Variants in PI4KA observed in about 807,000 individuals in gnomAD.
PI4KA encodes PI4-kinase alpha.
In PI4KA, 122 loss-of-function variants were observed where a neutral mutation model predicts 271.4. The ratio of observed to expected loss-of-function variants is 0.45; its 90% CI spans 0.39 to 0.52. PI4KA has a LOEUF of 0.52. Ranked by LOEUF, PI4KA falls within the 20% of genes least tolerant of loss-of-function variation. The pLI is 0.00. For missense variants in PI4KA, 1,969 were observed against 2,769.1 expected, an observed-to-expected ratio of 0.71 and a Z score of 6.48; for synonymous variants, 1,041 against 1,078.8, an observed-to-expected ratio of 0.96 and a Z score of 0.69.
chr22:20,824,931 G>C (rs1923201351), intron 3 of PI4KA, among the ~76,000 whole-genome samples: 1 of 151,730 alleles, frequency 6.6e-6, no homozygotes. Context: ...TTAGCTGGGT[G>C]TGGTGGCGCA....
intron 19 of PI4KA, among the ~76,000 whole-genome samples, chr22:20,767,772 C>T (rs1314019283): frequency 6.6e-6 from 1 of 151,840 alleles, no homozygotes; most frequent in Non-Finnish European, 1.5e-5. Flanking sequence ...GTAGCTGGGA[C>T]TACGGGCATG....
At chr22:20,779,101 TTA>T (rs1933534337) in intron 19 of PI4KA, 1 of 1,298,360 alleles carries the variant, frequency 7.7e-7, no homozygotes, top group African/African-American at 1.5e-5. Context: ...TCATTGAGGT[TTA>T]TGAGTCCCAC....
chr22:20,804,623 C>T (rs920822233), intron 11 of PI4KA, among the ~76,000 whole-genome samples: 1 of 152,160 alleles, frequency 6.6e-6, no homozygotes, highest in African/African-American at 2.4e-5. Context: ...GAAAACTTCC[C>T]ATTCTACTCC....
rs1261536942 is a variant in PI4KA, at chr22:20,717,716, A to T, written c.5309T>A (p.Val1770Glu). 3 of 1,580,772 alleles carry T rather than the reference A, an allele frequency of 1.9e-6. No individual in the cohort carries two copies. Among genetic ancestry groups the T allele is most frequent in the Non-Finnish European group, 2.6e-6 (3 of 1,161,778 alleles). ...ACLSALSEVK[V>E]QPGCYLPSNP... ...AGAAGCCACCTGCTCACCCGGCTGC[A>T]CCTTCACTTCAGACAGGGCCGACAG... Residue 1770 changes from valine to glutamate, a missense_variant, in exon 45 of 55, where the codon GTG becomes GAG. By Grantham distance (121) the Val-to-Glu change is moderately radical (BLOSUM62 -2). This residue lies in a region of PI4KA where 388 missense variants were observed against 521.5 expected (regional missense o/e 0.74). Transcript: ENST00000255882.
At chr22:20,829,495 A>C (rs1923875768) in intron 3 of PI4KA, among the ~76,000 whole-genome samples, 1 of 150,838 alleles carries the variant, frequency 6.6e-6, no homozygotes, top group Non-Finnish European at 1.5e-5. Flanking sequence ...ATTTCTGTGG[A>C]GTCACTGGTA....
At chr22:20,733,948 T>C (rs1432939221) in intron 34 of PI4KA, 95 bp downstream of exon 34, 2 of 1,527,586 alleles carry the variant, frequency 1.3e-6, no homozygotes, top group African/African-American at 2.7e-5. Flanking sequence ...CACTGAAATG[T>C]GTTCCCCGTC....
At chr22:20,743,826 G>A (rs1929743540) in intron 30 of PI4KA, among the ~76,000 whole-genome samples, 3 of 152,096 alleles carry the variant, frequency 2.0e-5, no homozygotes, top group South Asian at 4.2e-4. Context: ...AGGCCGAGGC[G>A]GGCAGATCAT....
chr22:20,731,877 G>A (rs1346379215), intron 36 of PI4KA, among the ~76,000 whole-genome samples: 4 of 147,824 alleles, frequency 2.7e-5, no homozygotes, highest in Non-Finnish European at 6.0e-5. Flanking sequence ...TGCAGTGAGC[G>A]GAGACTGCAC....
At chr22:20,710,094 G>T (rs1925052183) in intron 52 of PI4KA, 97 bp from the exon 53 acceptor site, 10 of 700,704 alleles carry the variant, frequency 1.4e-5, no homozygotes, top group Middle Eastern at 2.9e-4. Context: ...AGCCTCAGGT[G>T]TGGGCTCCTG....
chr22:20,796,391 G>T, intron 17 of PI4KA, 77 bp from the exon 18 acceptor site: 2 of 1,423,910 alleles, frequency 1.4e-6, no homozygotes, highest in African/African-American at 1.4e-5. Flanking sequence ...CAGGGGTGAG[G>T]CGAGCTGAGC....
intron 28 of PI4KA, 86 bp downstream of exon 28, chr22:20,749,819 G>T: frequency 1.3e-6 from 1 of 794,192 alleles, no homozygotes; most frequent in Non-Finnish European, 2.2e-6. Context: ...AGTGCTATTT[G>T]GATTTTGAGT....
At chr22:20,819,582 C>T (rs997957196) in intron 6 of PI4KA, 59 bp downstream of exon 6, 12 of 1,491,232 alleles carry the variant, frequency 8.0e-6, no homozygotes, top group African/African-American at 2.8e-5. Context: ...GGATTTTCTT[C>T]GCAGGGGAGC....
At chr22:20,750,580 G>A (rs948457192) in intron 27 of PI4KA, among the ~76,000 whole-genome samples, 1 of 152,230 alleles carries the variant, frequency 6.6e-6, no homozygotes, top group South Asian at 2.1e-4. Context: ...GAATCTACAA[G>A]AATAACATGT....
At chr22:20,716,069 GAGACCA>G (rs1404331847) in intron 45 of PI4KA, among the ~76,000 whole-genome samples, 1 of 141,958 alleles carries the variant, frequency 7.0e-6, no homozygotes, top group Non-Finnish European at 1.5e-5. Flanking sequence ...TTTTTTTTTT[GAGACCA>G]AGTCTTGCAC....
chr22:20,715,725 T>C (rs1925908703), intron 45 of PI4KA, among the ~76,000 whole-genome samples: 1 of 152,106 alleles, frequency 6.6e-6, no homozygotes, highest in African/African-American at 2.4e-5. Context: ...TCCACCCGCC[T>C]TGGCCTCCCA....
intron 32 of PI4KA, among the ~76,000 whole-genome samples, chr22:20,740,447 G>A (rs1929291541): frequency 7.6e-6 from 1 of 132,306 alleles, no homozygotes; most frequent in South Asian, 2.3e-4. Flanking sequence ...GACCTTAAGA[G>A]CCTAGGAAGT....
At chr22:20,834,285 T>C (rs538394966) in intron 3 of PI4KA, among the ~76,000 whole-genome samples, 85 of 152,196 alleles carry the variant, frequency 5.6e-4, no homozygotes, top group African/African-American at 1.9e-3. Context: ...CAATGAGACA[T>C]GAGAAAAGGT....
chr22:20,816,926 G>A (rs538196973), intron 7 of PI4KA, among the ~76,000 whole-genome samples: 10 of 152,314 alleles, frequency 6.6e-5, no homozygotes, highest in Admixed American at 3.3e-4. Flanking sequence ...TGTTTACCAG[G>A]AAAAGGGAAG....
At chr22:20,727,719 C>T in intron 40 of PI4KA, 55 bp downstream of exon 40, 1 of 1,294,428 alleles carries the variant, frequency 7.7e-7, no homozygotes, top group Non-Finnish European at 1.1e-6. Context: ...TTTCTGGGTG[C>T]AGTGTGCTAT....
Sources: allele counts gnomAD v4.1 joint callset (sites outside exome capture counted in the v4.1 genomes callset), GRCh38; gene constraint gnomAD v4.1.1; regional missense constraint gnomAD v4.1.1; transcripts MANE v1.5; gene names NCBI Gene and HGNC (gene_info 2026-07-23, HGNC 2026-07-21).